SHISA9: variants seen among roughly 807,000 people sequenced by gnomAD.
The protein encoded by SHISA9 is protein shisa-9.
In SHISA9, 13 loss-of-function variants were observed where a neutral mutation model predicts 38.0. The ratio of observed to expected loss-of-function variants is 0.34; its 90% CI spans 0.22 to 0.54. The LOEUF (loss-of-function observed/expected upper bound fraction) is 0.54. SHISA9 is among the 20% of genes least tolerant of loss of function. The pLI is 0.91. For synonymous variants in SHISA9, 275 were observed against 242.0 expected (o/e 1.14, Z -1.27); for missense variants, 538 against 575.8 (o/e 0.93, Z 0.67).
At chr16:13,168,940 C>T (rs139006685) in intron 2 of SHISA9, among the ~76,000 whole-genome samples, 1 of 152,340 alleles carries the variant, frequency 6.6e-6, no homozygotes, top group East Asian at 1.9e-4. Flanking sequence ...GGCAGGAACA[C>T]TTTGCTCAGT....
At chr16:13,404,875 G>T in the SHISA9 span, among the ~76,000 whole-genome samples, 1 of 152,184 alleles carries the variant, frequency 6.6e-6, no homozygotes, top group African/African-American at 2.4e-5. Flanking sequence ...TTTAAGGTAG[G>T]TTTCCATGTT....
intron 2 of SHISA9, among the ~76,000 whole-genome samples, chr16:13,064,591 G>A (rs1264002507): frequency 1.3e-5 from 2 of 152,144 alleles, no homozygotes; most frequent in East Asian, 1.9e-4. Flanking sequence ...ATGCACAAAT[G>A]TGCACACTTT....
chr16:12,948,080 A>AACCAATTG (rs1385212388), intron 2 of SHISA9, among the ~76,000 whole-genome samples: 1 of 152,194 alleles, frequency 6.6e-6, no homozygotes, highest in African/African-American at 2.4e-5. Context: ...ATGTGTGCCA[A>AACCAATTG]ACCAATTGTG....
chr16:12,927,919 G>C (rs1012814548), intron 2 of SHISA9, among the ~76,000 whole-genome samples: 2 of 152,164 alleles, frequency 1.3e-5, no homozygotes, highest in Non-Finnish European at 2.9e-5. Context: ...TGGTTTCAAA[G>C]ATGATTAAAA....
At chr16:13,138,720 C>T (rs1470798050) in intron 2 of SHISA9, among the ~76,000 whole-genome samples, 1 of 152,230 alleles carries the variant, frequency 6.6e-6, no homozygotes, top group Non-Finnish European at 1.5e-5. Context: ...CACATATCAT[C>T]TCTTGTTCAC....
In SHISA9 at chr16:13,004,438, G is replaced by T. The variant is rs150337810; in HGVS notation, c.691+87623G>T. Among the ~76,000 whole-genome samples, 945 of 152,286 alleles carry T rather than the reference G, an allele frequency of 6.2e-3. 11 individuals are homozygous for T. The highest frequency in any genetic ancestry group is 0.022 in the African/African-American group (896 of 41,552). Reference sequence around the variant, plus strand: ...GGTTCATGCTCTCTTTTTGAGCAAGGGTAAGGAGTTTTGATTTTATTCTAA... The same window carrying T: ...GGTTCATGCTCTCTTTTTGAGCAAGTGTAAGGAGTTTTGATTTTATTCTAA... On this transcript the variant is annotated intron_variant, in intron 2 of 4. Coordinates refer to ENST00000558583, the MANE Select transcript of SHISA9 (RefSeq NM_001145204.3).
chr16:13,359,284 C>G, the SHISA9 span, among the ~76,000 whole-genome samples: 2 of 151,854 alleles, frequency 1.3e-5, no homozygotes, highest in Non-Finnish European at 2.9e-5. Flanking sequence ...AGTTCAAAAC[C>G]AGCTTGGCTA....
chr16:12,938,842 G>C (rs1191758995), intron 2 of SHISA9, among the ~76,000 whole-genome samples: 4 of 151,934 alleles, frequency 2.6e-5, no homozygotes, highest in African/African-American at 7.3e-5. Context: ...GATTTTTGTG[G>C]TGTATCTTAA....
At chr16:13,394,577 G>T in the SHISA9 span, among the ~76,000 whole-genome samples, 1 of 151,926 alleles carries the variant, frequency 6.6e-6, no homozygotes, top group Non-Finnish European at 1.5e-5. Flanking sequence ...CTTTGACTTG[G>T]CTTTCTCGTT....
intron 4 of SHISA9, among the ~76,000 whole-genome samples, chr16:13,225,301 T>C (rs942264324): frequency 1.3e-5 from 2 of 152,132 alleles, no homozygotes; most frequent in African/African-American, 4.8e-5. Flanking sequence ...TGCAAGAGAA[T>C]GTATTTCTGT....
At chr16:13,394,997 G>T in the SHISA9 span, among the ~76,000 whole-genome samples, 1 of 151,670 alleles carries the variant, frequency 6.6e-6, no homozygotes, top group Non-Finnish European at 1.5e-5. Flanking sequence ...ATGTGTAGGG[G>T]GTTGGTTTAT....
chr16:13,170,699 C>G (rs377102436), intron 2 of SHISA9, among the ~76,000 whole-genome samples: 7 of 152,298 alleles, frequency 4.6e-5, no homozygotes, highest in African/African-American at 1.4e-4. Context: ...CTCTATTGCC[C>G]AGGCTGGAGT....
chr16:12,990,651 A>C (rs1232923449), intron 2 of SHISA9, among the ~76,000 whole-genome samples: 2 of 152,304 alleles, frequency 1.3e-5, no homozygotes, highest in East Asian at 3.9e-4. Flanking sequence ...TTTGATTATC[A>C]AAACTGGAGG....
At chr16:13,469,381 G>GGAA in the SHISA9 span, among the ~76,000 whole-genome samples, 1 of 100,390 alleles carries the variant, frequency 1.0e-5, no homozygotes, top group Non-Finnish European at 2.1e-5. Flanking sequence ...AAGAAAGAAA[G>GGAA]AAAGAAAGAA....
intron 1 of SHISA9, among the ~76,000 whole-genome samples, chr16:12,914,899 A>G (rs2071234401): frequency 6.6e-6 from 1 of 152,188 alleles, no homozygotes; most frequent in Admixed American, 6.5e-5. Flanking sequence ...CACTGCTAGG[A>G]CACTGACACC....
chr16:13,314,979 G>A, the SHISA9 span, among the ~76,000 whole-genome samples: 49 of 152,032 alleles, frequency 3.2e-4, no homozygotes, highest in African/African-American at 1.2e-3. Flanking sequence ...TCTGTTAAGT[G>A]TTCTTACCAC....
chr16:13,159,325 G>C (rs2050575619), intron 2 of SHISA9, among the ~76,000 whole-genome samples: 1 of 152,280 alleles, frequency 6.6e-6, no homozygotes, highest in East Asian at 1.9e-4. Context: ...TGAGTTTCTG[G>C]GGTGGTTCCC....
At chr16:13,317,145 A>G in the SHISA9 span, among the ~76,000 whole-genome samples, 1 of 152,336 alleles carries the variant, frequency 6.6e-6, no homozygotes, top group South Asian at 2.1e-4. Flanking sequence ...AGCAGAAACT[A>G]TCAATAGCAG....
chr16:13,070,095 C>G (rs2073493351), intron 2 of SHISA9, among the ~76,000 whole-genome samples: 1 of 150,100 alleles, frequency 6.7e-6, no homozygotes, highest in Non-Finnish European at 1.5e-5. Context: ...AGCTGTTTTT[C>G]CTTTAAAAAC....
Sources: allele counts gnomAD v4.1 joint callset (sites outside exome capture counted in the v4.1 genomes callset), GRCh38; gene constraint gnomAD v4.1.1; transcripts MANE v1.5; gene names NCBI Gene and HGNC (gene_info 2026-07-23, HGNC 2026-07-21).